Variants in LRRC4C observed in about 807,000 individuals in gnomAD.
LRRC4C encodes the protein leucine rich repeat containing 4C.
Under a neutral mutation model 33.6 loss-of-function variants are expected in LRRC4C, and 5 were observed. The observed-to-expected ratio is 0.15, with a 90% CI of 0.08 to 0.31. The LOEUF (loss-of-function observed/expected upper bound fraction) is 0.31. LRRC4C is among the 10% of genes least tolerant of loss of function. The pLI, the probability that LRRC4C is intolerant of heterozygous loss-of-function variation, is 1.00. For synonymous variants in LRRC4C, 329 were observed against 302.0 expected, an observed-to-expected ratio of 1.09 and a Z score of -0.93; for missense variants, 560 against 796.7, an observed-to-expected ratio of 0.70 and a Z score of 3.58.
intron 1 of LRRC4C, among the ~76,000 whole-genome samples, chr11:41,339,320 A>C (rs1421398757): frequency 1.3e-5 from 2 of 152,346 alleles, no homozygotes; most frequent in East Asian, 3.9e-4. Flanking sequence ...ATTCACAAGG[A>C]ATCACAGATT....
chr11:40,127,936 G>A lies in LRRC4C; in HGVS notation c.-42-11602C>T, dbSNP rs149670786. Among the ~76,000 whole-genome samples, 64 of 152,266 alleles carry A rather than the reference G, an allele frequency of 4.2e-4. No individual in the cohort carries two copies. The East Asian group carries it at 9.5e-3, about 23-fold the overall frequency. On this transcript the variant is annotated intron_variant, in intron 6 of 6. Coordinates refer to ENST00000528697, the MANE Select transcript of LRRC4C (RefSeq NM_001258419.2). ...GTGGCTCATGTCCATGCTGCAGATT[G>A]CACACAAAGGACTACTAAACACACA...
At chr11:40,565,970 T>C (rs1340594118) in intron 3 of LRRC4C, among the ~76,000 whole-genome samples, 1 of 151,980 alleles carries the variant, frequency 6.6e-6, no homozygotes, top group African/African-American at 2.4e-5. Context: ...GTTCACACAC[T>C]AGAAACACTT....
At chr11:40,785,622 G>T (rs1202012769) in intron 2 of LRRC4C, among the ~76,000 whole-genome samples, 1 of 152,108 alleles carries the variant, frequency 6.6e-6, no homozygotes, top group Non-Finnish European at 1.5e-5. Context: ...TGATTCACTG[G>T]AAGCTCCAAC....
chr11:40,233,522 A>G (rs934730457), intron 5 of LRRC4C, among the ~76,000 whole-genome samples: 2 of 152,224 alleles, frequency 1.3e-5, no homozygotes, highest in Non-Finnish European at 2.9e-5. Flanking sequence ...AGACGCAGAG[A>G]GCTGATATTT....
At chr11:41,239,827 C>T (rs1158491835) in intron 1 of LRRC4C, among the ~76,000 whole-genome samples, 1 of 152,034 alleles carries the variant, frequency 6.6e-6, no homozygotes, top group African/African-American at 2.4e-5. Context: ...CAATTTTTGT[C>T]GATTTTGTGA....
intron 1 of LRRC4C, among the ~76,000 whole-genome samples, chr11:41,389,822 C>A (rs1271919159): frequency 2.0e-5 from 3 of 151,758 alleles, no homozygotes; most frequent in Non-Finnish European, 2.9e-5. Flanking sequence ...CTACAATTAC[C>A]ATTGAACGAT....
intron 2 of LRRC4C, among the ~76,000 whole-genome samples, chr11:40,908,520 C>T (rs1030860112): frequency 2.0e-5 from 3 of 151,970 alleles, no homozygotes; most frequent in African/African-American, 7.2e-5. Context: ...AGAAACAAAA[C>T]AGAACTCAAA....
chr11:40,501,367 G>C (rs111840366), intron 3 of LRRC4C, among the ~76,000 whole-genome samples: 2 of 152,174 alleles, frequency 1.3e-5, no homozygotes, highest in Admixed American at 1.3e-4. Flanking sequence ...CTGTGTGGGA[G>C]TCCCCTCCCT....
At chr11:40,162,581 T>G (rs1044365810) in intron 5 of LRRC4C, among the ~76,000 whole-genome samples, 2 of 152,118 alleles carry the variant, frequency 1.3e-5, no homozygotes, top group African/African-American at 4.8e-5. Flanking sequence ...CCCCGTTAGA[T>G]GGTAAGGTAC....
intron 3 of LRRC4C, among the ~76,000 whole-genome samples, chr11:40,647,807 C>T (rs927858940): frequency 2.6e-5 from 4 of 152,208 alleles, no homozygotes; most frequent in African/African-American, 9.7e-5. Context: ...CAATCTGCCA[C>T]TCTTTCAACT....
intron 1 of LRRC4C, among the ~76,000 whole-genome samples, chr11:41,043,054 T>A (rs934517835): frequency 6.1e-5 from 9 of 147,154 alleles, no homozygotes; most frequent in Non-Finnish European, 1.0e-4. Flanking sequence ...CCAAAATGAT[T>A]ATACAGAATA....
intron 1 of LRRC4C, among the ~76,000 whole-genome samples, chr11:41,088,911 T>C (rs780318429): frequency 2.6e-5 from 4 of 152,060 alleles, no homozygotes; most frequent in Admixed American, 6.6e-5. Context: ...TTCTCTTAGA[T>C]TTAGATAACC....
chr11:40,747,189 C>A (rs1490910449), intron 2 of LRRC4C, among the ~76,000 whole-genome samples: 2 of 152,194 alleles, frequency 1.3e-5, no homozygotes, highest in African/African-American at 4.8e-5. Context: ...TTGTTGCCAC[C>A]ACTGGGGCCC....
At chr11:40,901,125 G>A (rs1336661041) in intron 2 of LRRC4C, among the ~76,000 whole-genome samples, 2 of 151,930 alleles carry the variant, frequency 1.3e-5, no homozygotes, top group African/African-American at 4.8e-5. Context: ...TTGAAATACG[G>A]TACACATTTC....
intron 2 of LRRC4C, among the ~76,000 whole-genome samples, chr11:40,768,183 G>A (rs1949569916): frequency 6.6e-6 from 1 of 151,946 alleles, no homozygotes; most frequent in Non-Finnish European, 1.5e-5. Context: ...AGAATGGTAT[G>A]TGAAACTGTA....
intron 1 of LRRC4C, among the ~76,000 whole-genome samples, chr11:41,398,228 C>T (rs79360488): frequency 0.029 from 4,361 of 151,984 alleles, 236 homozygotes; most frequent in African/African-American, 0.099. Flanking sequence ...GAAGTCTTGG[C>T]CCAGATTCTC....
chr11:40,800,609 T>A (rs187832097), intron 2 of LRRC4C, among the ~76,000 whole-genome samples: 2 of 152,300 alleles, frequency 1.3e-5, no homozygotes, highest in East Asian at 3.9e-4. Flanking sequence ...ACTCTGTATT[T>A]TGAAGGGTTG....
rs1333602390 is a variant in LRRC4C at position 40,915,034 on chromosome 11, A to T, written c.-407+18601T>A. Reference sequence around the variant, plus strand: ...AGGAGAACTACAAACCACTACTCAAAGAAATAAAAGAGGATATAAACAAAT... The same window carrying T: ...AGGAGAACTACAAACCACTACTCAATGAAATAAAAGAGGATATAAACAAAT... On this transcript the variant is annotated intron_variant, in intron 2 of 6. Transcript: ENST00000528697. 2.6e-5 allele frequency among the ~76,000 whole-genome samples: 4 copies of T among 152,254 alleles called. No individual in the cohort carries two copies. The East Asian group carries it at 7.7e-4, about 29-fold the overall frequency.
At chr11:41,303,852 A>C (rs1950366029) in intron 1 of LRRC4C, among the ~76,000 whole-genome samples, 1 of 13,770 alleles carries the variant, frequency 7.3e-5, no homozygotes, top group Admixed American at 8.9e-4. Flanking sequence ...TCTGCCTGGC[A>C]ATCACCCCGT....
Sources: allele counts gnomAD v4.1 joint callset (sites outside exome capture counted in the v4.1 genomes callset), GRCh38; gene constraint gnomAD v4.1.1; transcripts MANE v1.5; gene names NCBI Gene and HGNC (gene_info 2026-07-23, HGNC 2026-07-21).